ZCCHC14: variants seen among roughly 807,000 people sequenced by gnomAD.
ZCCHC14 encodes zinc finger CCHC domain-containing protein 14.
A neutral mutation model predicts 85.0 loss-of-function variants in ZCCHC14; 16 were observed. The ratio of observed to expected loss-of-function variants is 0.19; its 90% CI spans 0.13 to 0.29. The LOEUF is 0.29. ZCCHC14 is among the 10% of genes least tolerant of loss of function. The pLI, the probability that ZCCHC14 is intolerant of heterozygous loss-of-function variation, is 1.00. For missense variants in ZCCHC14, 1,303 were observed against 1,443.5 expected (o/e 0.90, Z 1.58); for synonymous variants, 775 against 630.7 (o/e 1.23, Z -3.43).
intron 2 of ZCCHC14, among the ~76,000 whole-genome samples, chr16:87,443,575 A>C (rs1910287426): frequency 2.0e-5 from 3 of 152,108 alleles, no homozygotes; most frequent in Non-Finnish European, 4.4e-5. Context: ...ATTTCTACTA[A>C]AAATTTAAAA....
At chr16:87,477,683 T>C (rs1912082423) in intron 1 of ZCCHC14, among the ~76,000 whole-genome samples, 1 of 152,184 alleles carries the variant, frequency 6.6e-6, no homozygotes, top group Admixed American at 6.5e-5. Context: ...ACTTGACTCA[T>C]GGAGCTGTTA....
chr16:87,489,779 C>G (rs1453351502), intron 1 of ZCCHC14, among the ~76,000 whole-genome samples: 1 of 152,214 alleles, frequency 6.6e-6, no homozygotes, highest in African/African-American at 2.4e-5. Flanking sequence ...CTATAAAAGA[C>G]ATTTTTGTTC....
intron 9 of ZCCHC14, among the ~76,000 whole-genome samples, chr16:87,414,935 A>T (rs541010761): frequency 1.3e-5 from 2 of 152,082 alleles, no homozygotes; most frequent in Admixed American, 1.3e-4. Flanking sequence ...ACAAAAAATT[A>T]GCCAGGCGTG....
At chr16:87,452,357 G>C (rs1426619361) in intron 2 of ZCCHC14, among the ~76,000 whole-genome samples, 1 of 152,212 alleles carries the variant, frequency 6.6e-6, no homozygotes, top group African/African-American at 2.4e-5. Flanking sequence ...TGGCTGCATG[G>C]GTGGAAATAT....
In ZCCHC14 at chr16:87,417,720, T is replaced by C. The variant is rs757510774; in HGVS notation, c.1123A>G (p.Ile375Val). 1.9e-6 allele frequency: 3 copies of C among 1,599,702 alleles called. No individual in the cohort carries two copies. The highest frequency in any genetic ancestry group is 3.4e-5 in the Admixed American group (2 of 59,500). Residue 375 changes from isoleucine to valine, a missense_variant, in exon 8 of 13, where the codon ATC becomes GTC. Around this residue, in one of 7 missense-constraint regions of ZCCHC14, gnomAD observed 389 missense variants for 397.8 expected, o/e 0.98. Transcript: ENST00000671377. ...SGRPVCGVAG[I>V]PSSQSGAQHH... ...TGGGCTCCGCTCTGCGAGGACGGGA[T>C]ACCAGCCACTCCACACACAGGCCTG...
rs779173452 is a variant in ZCCHC14 at position 87,412,406 on chromosome 16, G to A, written c.2315C>T (p.Pro772Leu). Residue 772 changes from proline (P) to leucine (L), a missense_variant, in exon 12 of 13, where the codon CCG (proline) becomes CTG (leucine). Pro to Leu is a moderately conservative substitution (Grantham distance 98). Coordinates refer to ENST00000671377, the MANE Select transcript of ZCCHC14 (RefSeq NM_015144.3). ...TGACGACAGCAGCAGTTTGATGGGC[G>A]GACGGGCGGCGTGGAGGACTGTGCT... ...TPSTVLHAARPPIKLLLSSSV... is the reference protein window; with the variant it reads ...TPSTVLHAARLPIKLLLSSSV... 1.3e-5 allele frequency: 21 copies of A among 1,614,064 alleles called. No homozygotes were observed. The highest frequency in any genetic ancestry group is 2.2e-5 in the East Asian group (1 of 44,886).
At chr16:87,430,295 G>T (rs1026218927) in intron 3 of ZCCHC14, among the ~76,000 whole-genome samples, 5 of 152,070 alleles carry the variant, frequency 3.3e-5, no homozygotes, top group African/African-American at 1.2e-4. Flanking sequence ...GCTGAAAAGC[G>T]CATCCTTTCT....
chr16:87,413,831 G>A (rs914582968), intron 10 of ZCCHC14, among the ~76,000 whole-genome samples: 17 of 151,160 alleles, frequency 1.1e-4, no homozygotes, highest in African/African-American at 3.4e-4. Flanking sequence ...GGGGGTGGGC[G>A]CAGGCTACTC....
At chr16:87,484,478 G>A (rs1295773550) in intron 1 of ZCCHC14, among the ~76,000 whole-genome samples, 4 of 152,260 alleles carry the variant, frequency 2.6e-5, no homozygotes, top group African/African-American at 9.6e-5. Flanking sequence ...GAGACAGCAG[G>A]AGTGACTTCA....
rs966526915 is a variant in ZCCHC14, at chr16:87,424,011, G to T, written c.769-130C>A. On this transcript the variant is annotated intron_variant, in intron 3 of 12. Coordinates refer to ENST00000671377, the MANE Select transcript of ZCCHC14 (RefSeq NM_015144.3). ...CCCAGTGGGCCGTGCACCTGCTGTG[G>T]GAAGCACCTAAGCATCCCTTGACTT... 1.3e-5 allele frequency: 11 copies of T among 850,980 alleles called. No individual in the cohort carries two copies. In the African/African-American group the frequency reaches 1.5e-4, roughly 12 times the overall value. The allele number at this position is 850,980 out of a possible 1,614,324, so 52.7% of individuals were successfully genotyped here.
chr16:87,486,838 A>C (rs191128563), intron 1 of ZCCHC14, among the ~76,000 whole-genome samples: 29 of 152,344 alleles, frequency 1.9e-4, no homozygotes, highest in African/African-American at 6.5e-4. Flanking sequence ...ACAAGTGTTA[A>C]AGATGGAGAC....
At chr16:87,473,325 C>T (rs1229475510) in intron 1 of ZCCHC14, 1 of 152,168 alleles carries the variant, frequency 6.6e-6, no homozygotes, top group Non-Finnish European at 1.5e-5. Context: ...GTCTCAGCCT[C>T]CTGAGTAGCT....
Position 87,412,574 on chromosome 16 carries a change from G to C in ZCCHC14, c.2147C>G (p.Ser716Trp), listed in dbSNP as rs751230705. Residue 716 changes from serine to tryptophan, a missense_variant, in exon 12 of 13, where the codon TCG (serine) becomes TGG (tryptophan). By Grantham distance (177) the Ser-to-Trp change is radical. Coordinates refer to ENST00000671377, the MANE Select transcript of ZCCHC14 (RefSeq NM_015144.3). ...TGTGGGTGACATGGAGCTGCTCTCC[G>C]AAAGCCCAGAGAGGACCTGCACAGG... ...HQPVQVLSGLSESSSMSPTVS... is the reference protein window; with the variant it reads ...HQPVQVLSGLWESSSMSPTVS... 6.8e-6 allele frequency: 11 copies of C among 1,614,150 alleles called. No homozygotes were observed. Among genetic ancestry groups the C allele is most frequent in the Non-Finnish European group, 9.3e-6 (11 of 1,180,036 alleles).
chr16:87,485,940 C>T (rs555940325), intron 1 of ZCCHC14, among the ~76,000 whole-genome samples: 45 of 152,282 alleles, frequency 3.0e-4, no homozygotes, highest in Non-Finnish European at 4.9e-4. Flanking sequence ...CAGTTATCTT[C>T]GCACTTGAAC....
At chr16:87,465,964 C>T (rs917970455) in intron 1 of ZCCHC14, among the ~76,000 whole-genome samples, 1 of 152,214 alleles carries the variant, frequency 6.6e-6, no homozygotes, top group South Asian at 2.1e-4. Context: ...TCCGCAACGT[C>T]CCTTTAGATG....
chr16:87,449,318 T>A (rs2150750138), intron 2 of ZCCHC14, among the ~76,000 whole-genome samples: 2 of 152,286 alleles, frequency 1.3e-5, no homozygotes, highest in South Asian at 4.2e-4. Flanking sequence ...TTAATGTTCC[T>A]ATCTCTAAAA....
At chr16:87,460,277 GA>G in intron 1 of ZCCHC14, 146 bp from the exon 2 acceptor site, 1 of 1,183,792 alleles carries the variant, frequency 8.4e-7, no homozygotes, top group Non-Finnish European at 1.1e-6. Flanking sequence ...CCTTCCCCAA[GA>G]AAGATGAAAA....
chr16:87,422,841 G>A (rs963823064), intron 4 of ZCCHC14, among the ~76,000 whole-genome samples: 7 of 152,046 alleles, frequency 4.6e-5, no homozygotes, highest in African/African-American at 1.7e-4. Context: ...AACAAAAGGG[G>A]AAACTACACA....
intron 3 of ZCCHC14, among the ~76,000 whole-genome samples, chr16:87,431,439 C>T (rs908158064): frequency 6.8e-6 from 1 of 147,478 alleles, no homozygotes; most frequent in Admixed American, 6.8e-5. Flanking sequence ...CGTCACTGCA[C>T]TCCAGCCTGG....
Sources: gnomAD v4.1 joint callset for allele counts (sites outside exome capture counted in the v4.1 genomes callset) on GRCh38, gnomAD v4.1.1 for gene constraint, gnomAD v4.1.1 regional missense constraint, MANE v1.5 for transcripts, NCBI Gene and HGNC (gene_info 2026-07-23, HGNC 2026-07-21) for gene names.